Variants in RASGRP3 observed in about 807,000 individuals in gnomAD.
The protein encoded by RASGRP3 is RAS guanyl releasing protein 3, also known as ras guanyl-releasing protein 3.
Under a neutral mutation model 82.7 loss-of-function variants are expected in RASGRP3, and 54 were observed. That is an observed-to-expected ratio of 0.65 (90% CI 0.52 to 0.82). The LOEUF (loss-of-function observed/expected upper bound fraction) is 0.82, where lower values mean the gene tolerates loss of function less well. Ranked by LOEUF, RASGRP3 falls within the 40% of genes least tolerant of loss-of-function variation. The pLI is 0.00. For missense variants in RASGRP3, 861 were observed against 828.9 expected (o/e 1.04, Z -0.48); for synonymous variants, 309 against 300.5 (o/e 1.03, Z -0.29).
intron 17 of RASGRP3, among the ~76,000 whole-genome samples, chr2:33,559,836 C>T (rs1037238708): frequency 6.6e-6 from 1 of 152,142 alleles, no homozygotes; most frequent in Admixed American, 6.5e-5. Context: ...TATGGGTGGT[C>T]CTCCACATTC....
At chr2:33,561,658 A>G (rs1676673737) in intron 17 of RASGRP3, among the ~76,000 whole-genome samples, 1 of 151,944 alleles carries the variant, frequency 6.6e-6, no homozygotes, top group South Asian at 2.1e-4. Flanking sequence ...TGGCATTAGG[A>G]GCACTGACCT....
intron 1 of RASGRP3, among the ~76,000 whole-genome samples, chr2:33,477,261 A>T (rs1667458871): frequency 6.6e-6 from 1 of 152,328 alleles, no homozygotes; most frequent in Non-Finnish European, 1.5e-5. Context: ...ACAAAATAAT[A>T]TTTAGATTCA....
chr2:33,466,391 G>A (rs183789419), intron 2 of RASGRP3, among the ~76,000 whole-genome samples: 21 of 152,204 alleles, frequency 1.4e-4, no homozygotes, highest in Admixed American at 3.9e-4. Flanking sequence ...AGATTTCAGC[G>A]GAGGGGGCTG....
intron 7 of RASGRP3, 80 bp downstream of exon 7, chr2:33,522,182 A>G: frequency 6.8e-7 from 1 of 1,465,352 alleles, no homozygotes; most frequent in Non-Finnish European, 9.2e-7. Flanking sequence ...TCATACTCTG[A>G]AGTGTTGGCA....
chr2:33,507,319 TG>T (rs949202502), intron 1 of RASGRP3, among the ~76,000 whole-genome samples: 7 of 151,970 alleles, frequency 4.6e-5, no homozygotes, highest in African/African-American at 1.7e-4. Context: ...TGCTTGAAAG[TG>T]GGGGGCAGAG....
At chr2:33,555,715 G>A (rs1431324180) in intron 15 of RASGRP3, 148 bp downstream of exon 15, 2 of 699,396 alleles carry the variant, frequency 2.9e-6, no homozygotes, top group African/African-American at 1.8e-5. Context: ...TGCCTCTGAG[G>A]AGGAGTTTCT....
At chr2:33,491,852 T>C (rs1385562451) in intron 1 of RASGRP3, among the ~76,000 whole-genome samples, 1 of 152,226 alleles carries the variant, frequency 6.6e-6, no homozygotes, top group Non-Finnish European at 1.5e-5. Context: ...CAGCAGCCCG[T>C]GGCTGAGGCT....
At chr2:33,470,088 C>G (rs908368944) in intron 2 of RASGRP3, among the ~76,000 whole-genome samples, 3 of 152,016 alleles carry the variant, frequency 2.0e-5, no homozygotes, top group Admixed American at 6.6e-5. Context: ...ATTTTCTTTA[C>G]CATTCTCAGT....
intron 2 of RASGRP3, among the ~76,000 whole-genome samples, chr2:33,467,882 T>G (rs1339266206): frequency 1.3e-5 from 2 of 152,228 alleles, no homozygotes; most frequent in Admixed American, 6.5e-5. Flanking sequence ...CCTGTATCCT[T>G]GAAACCTTTC....
chr2:33,531,434 AAGAGATGCTAGGAGTAACCCCG>A (rs1261720091), intron 10 of RASGRP3, among the ~76,000 whole-genome samples: 1 of 152,212 alleles, frequency 6.6e-6, no homozygotes, highest in Non-Finnish European at 1.5e-5. Flanking sequence ...ACTGGGAAAG[AAGAGATGCTAGGAGTAACCCCG>A]AGGGCAGCTT....
At chr2:33,516,416 T>G (rs917155722) in intron 3 of RASGRP3, 126 bp from the exon 4 acceptor site, 43 of 628,046 alleles carry the variant, frequency 6.8e-5, no homozygotes, top group Non-Finnish European at 1.1e-4. Flanking sequence ...TAAAAAGAAA[T>G]AAAATAAAAG....
intron 2 of RASGRP3, among the ~76,000 whole-genome samples, chr2:33,459,205 G>A (rs370755914): frequency 2.6e-5 from 4 of 152,222 alleles, no homozygotes; most frequent in Admixed American, 6.5e-5. Context: ...CGCAGTCTTG[G>A]CTCACTGCAA....
chr2:33,475,578 C>G (rs1667309314), upstream of RASGRP3, among the ~76,000 whole-genome samples: 1 of 152,186 alleles, frequency 6.6e-6, no homozygotes, highest in Non-Finnish European at 1.5e-5. Flanking sequence ...TATGTCATAT[C>G]TCTACCTGAA....
At chr2:33,512,959 C>T (rs1007969265) in intron 2 of RASGRP3, among the ~76,000 whole-genome samples, 6 of 152,008 alleles carry the variant, frequency 3.9e-5, no homozygotes, top group Admixed American at 3.9e-4. Context: ...AAAATAAATC[C>T]AGGAAAGGCA....
At chr2:33,550,001 C>T (rs1675210963) in intron 14 of RASGRP3, among the ~76,000 whole-genome samples, 1 of 152,160 alleles carries the variant, frequency 6.6e-6, no homozygotes, top group Non-Finnish European at 1.5e-5. Context: ...GTTTATTACT[C>T]CCTGCCAGGG....
Position 33,543,612 on chromosome 2 carries a change from T to C in RASGRP3, c.1379T>C (p.Val460Ala), listed in dbSNP as rs755315317. Residue 460 changes from valine (V) to alanine (A), a missense_variant, in exon 13 of 18, where the codon GTT becomes GCT. By Grantham distance (64) the Val-to-Ala change is moderately conservative. Coordinates refer to ENST00000403687, the MANE Select transcript of RASGRP3 (RefSeq NM_001139488.2). The stretch of plus-strand genomic sequence containing the variant: ...TTTCCCTTCTTGGATTCCTTCTGTG[T>C]TCTGGACAAAGATCAGTAAGTTTTA... ...ANFPFLDSFC[V>A]LDKDQDGLIS... 1 of 1,597,462 alleles carries C rather than the reference T, an allele frequency of 6.3e-7. No individual in the cohort carries two copies. The highest frequency in any genetic ancestry group is 1.1e-5 in the South Asian group (1 of 90,104).
intron 1 of RASGRP3, among the ~76,000 whole-genome samples, chr2:33,501,622 G>A (rs1284540191): frequency 6.6e-6 from 1 of 152,200 alleles, no homozygotes; most frequent in African/African-American, 2.4e-5. Context: ...AAGTCCACCT[G>A]TCTCCAAACC....
chr2:33,499,272 A>T (rs1669632699), intron 1 of RASGRP3, among the ~76,000 whole-genome samples: 1 of 152,012 alleles, frequency 6.6e-6, no homozygotes, highest in African/African-American at 2.4e-5. Flanking sequence ...AGTGATTGAA[A>T]CCCCAGTTTT....
chr2:33,465,770 T>C (rs1451883211), intron 2 of RASGRP3, among the ~76,000 whole-genome samples: 2 of 152,224 alleles, frequency 1.3e-5, no homozygotes, highest in African/African-American at 4.8e-5. Context: ...CTGACTCTTG[T>C]TAGGGGCTAA....
Sources: gnomAD v4.1 joint callset for allele counts (sites outside exome capture counted in the v4.1 genomes callset) on GRCh38, gnomAD v4.1.1 for gene constraint, MANE v1.5 for transcripts, NCBI Gene and HGNC (gene_info 2026-07-23, HGNC 2026-07-21) for gene names.